RIMS1: variants seen among roughly 807,000 people sequenced by gnomAD.
RIMS1 encodes the protein regulating synaptic membrane exocytosis protein 1.
In RIMS1, 83 loss-of-function variants were observed where a neutral mutation model predicts 214.1. The observed-to-expected ratio is 0.39, with a 90% CI of 0.32 to 0.47. The LOEUF (loss-of-function observed/expected upper bound fraction) is 0.47. Among genes scored for constraint, RIMS1 ranks in the 20% least tolerant of loss-of-function variants. The pLI is 0.99. For missense variants in RIMS1, 2,050 were observed against 2,161.8 expected (o/e 0.95, Z 1.03); for synonymous variants, 793 against 786.8 (o/e 1.01, Z -0.13).
Position 72,109,456 on chromosome 6 carries a change from G to T in RIMS1, c.471+9470G>T, listed in dbSNP as rs549172655. Among the ~76,000 whole-genome samples the T allele has an allele frequency of 3.3e-3, 503 of 152,172 alleles. 2 individuals are homozygous for T. Among genetic ancestry groups the T allele is most frequent in the Non-Finnish European group, 2.0e-3 (138 of 68,016 alleles). Reference sequence around the variant, plus strand: ...TTGCATTTCTCTGATGGCCAGTGATGGTGGGCATTTTTTCATGTGTTTTTT... The same window carrying T: ...TTGCATTTCTCTGATGGCCAGTGATTGTGGGCATTTTTTCATGTGTTTTTT... On this transcript the variant is annotated intron_variant, in intron 4 of 33. Coordinates refer to ENST00000521978, the MANE Select transcript of RIMS1 (RefSeq NM_014989.7).
rs117799620 is a variant in RIMS1, at chr6:72,144,083, G to A, written c.472-35492G>A. Among the ~76,000 whole-genome samples, 685 of 152,196 alleles carry A rather than the reference G, an allele frequency of 4.5e-3. 5 individuals carry two copies. The highest frequency in any genetic ancestry group is 0.02 in the Middle Eastern group (6 of 294). On this transcript the variant is annotated intron_variant, in intron 4 of 33. Transcript: ENST00000521978. Reference sequence around the variant, plus strand: ...CCACTATAGCAGCGAACGCAGGCCCGTATTACTAAAGCAGCATATCATTAT... The same window carrying A: ...CCACTATAGCAGCGAACGCAGGCCCATATTACTAAAGCAGCATATCATTAT...
At chr6:71,976,380 T>G (rs1336789993) in intron 2 of RIMS1, among the ~76,000 whole-genome samples, 1 of 152,166 alleles carries the variant, frequency 6.6e-6, no homozygotes, top group African/African-American at 2.4e-5. Flanking sequence ...TCAAAATATT[T>G]TCTTCCGTTT....
rs1028182246 is a variant in RIMS1 at position 72,008,842 on chromosome 6, C to A, written c.245+39779C>A. 3.5e-3 allele frequency among the ~76,000 whole-genome samples: 540 copies of A among 152,256 alleles called. 2 individuals carry two copies. Among genetic ancestry groups the A allele is most frequent in the Non-Finnish European group, 5.6e-3 (381 of 68,014 alleles). On this transcript the variant is annotated intron_variant, in intron 2 of 33. Transcript: ENST00000521978. Reference sequence around the variant, plus strand: ...CATAAAGCAAGTCCTTAGAGACCTACAAAGAGACTTAGACTCCCACACAAT... The same window carrying A: ...CATAAAGCAAGTCCTTAGAGACCTAAAAAGAGACTTAGACTCCCACACAAT...
intron 6 of RIMS1, among the ~76,000 whole-genome samples, chr6:72,211,556 AC>A (rs1275362905): frequency 6.6e-6 from 1 of 152,182 alleles, no homozygotes; most frequent in Non-Finnish European, 1.5e-5. Flanking sequence ...AATAATATAT[AC>A]ATTTTTCATA....
intron 4 of RIMS1, among the ~76,000 whole-genome samples, chr6:72,178,895 C>T (rs1040159468): frequency 6.6e-5 from 10 of 152,152 alleles, no homozygotes; most frequent in African/African-American, 2.4e-4. Context: ...CCTTGGGGAA[C>T]ATTACATTGG....
At chr6:72,224,884 A>G (rs2059712167) in intron 6 of RIMS1, among the ~76,000 whole-genome samples, 2 of 152,194 alleles carry the variant, frequency 1.3e-5, no homozygotes, top group African/African-American at 4.8e-5. Context: ...AATGTTTTGC[A>G]ACCTGATTTC....
intron 29 of RIMS1, among the ~76,000 whole-genome samples, chr6:72,338,292 G>T (rs574284974): frequency 0.012 from 1,860 of 151,570 alleles, 28 homozygotes; most frequent in African/African-American, 0.042. Context: ...TTTAACTGGT[G>T]TAAGATGGTA....
In RIMS1 at chr6:72,333,613, A is replaced by G; in HGVS notation, c.4144A>G (p.Lys1382Glu). The change falls in exon 29 of 34, where the codon AAA becomes GAA. Residue 1382 changes from lysine to glutamate, a missense_variant. By Grantham distance (56) the Lys-to-Glu change is moderately conservative (BLOSUM62 1). This residue lies in a region of RIMS1 where 889 missense variants were observed against 885.5 expected (regional missense o/e 1.00). Coordinates refer to ENST00000521978, the MANE Select transcript of RIMS1 (RefSeq NM_014989.7). ...TTGTAAATATAGTTCATTTACCCCC[A>G]AAATGCAAGGCAGACGGATGGGGAC... Reference protein sequence around the residue: ...PRGRISSFTPKMQGRRMGTSG... With the variant: ...PRGRISSFTPEMQGRRMGTSG... 6.3e-7 allele frequency: 1 copy of G among 1,588,674 alleles called. No individual in the cohort carries two copies. The highest frequency in any genetic ancestry group is 8.6e-7 in the Non-Finnish European group (1 of 1,166,906).
At chr6:72,152,292 T>C (rs142456019) in intron 4 of RIMS1, among the ~76,000 whole-genome samples, 5 of 152,318 alleles carry the variant, frequency 3.3e-5, no homozygotes, top group Non-Finnish European at 5.9e-5. Context: ...ATTTAACTCT[T>C]ACAACATACC....
chr6:71,906,926 A>G (rs1055878483), intron 1 of RIMS1, among the ~76,000 whole-genome samples: 1 of 152,156 alleles, frequency 6.6e-6, no homozygotes, highest in Non-Finnish European at 1.5e-5. Flanking sequence ...CTCAGTATTC[A>G]CATCTCTTTG....
intron 4 of RIMS1, among the ~76,000 whole-genome samples, chr6:72,141,249 G>A (rs891140872): frequency 6.6e-6 from 1 of 151,846 alleles, no homozygotes; most frequent in Non-Finnish European, 1.5e-5. Context: ...TATATGGGAG[G>A]GATAATAAAA....
chr6:72,155,711 T>C (rs1055950281), intron 4 of RIMS1, among the ~76,000 whole-genome samples: 1 of 140,340 alleles, frequency 7.1e-6, no homozygotes, highest in Admixed American at 7.4e-5. Context: ...GTGAGACTCA[T>C]TCACTATCAC....
At chr6:71,973,084 A>G (rs556519359) in intron 2 of RIMS1, among the ~76,000 whole-genome samples, 130 of 152,108 alleles carry the variant, frequency 8.5e-4, no homozygotes, top group Middle Eastern at 3.4e-3. Flanking sequence ...TACTTTTTGT[A>G]TTTTTAGTAG....
chr6:72,240,371 G>A (rs77849471), intron 9 of RIMS1, among the ~76,000 whole-genome samples: 13,729 of 151,870 alleles, frequency 0.09, 848 homozygotes, highest in Non-Finnish European at 0.12. Context: ...CAATTTAATC[G>A]TTTGCATCTA....
intron 11 of RIMS1, among the ~76,000 whole-genome samples, chr6:72,247,506 G>T (rs1361344902): frequency 7.4e-6 from 1 of 134,974 alleles, no homozygotes; most frequent in Admixed American, 8.3e-5. Flanking sequence ...TTGCACTCCA[G>T]CCTGGGCAAC....
chr6:72,223,792 A>C (rs1366712339), intron 6 of RIMS1, among the ~76,000 whole-genome samples: 1 of 151,688 alleles, frequency 6.6e-6, no homozygotes, highest in East Asian at 1.9e-4. Context: ...CTAAAAATAC[A>C]AAAAAATTAG....
chr6:72,023,317 A>C (rs1207052918), intron 2 of RIMS1, among the ~76,000 whole-genome samples: 2 of 152,168 alleles, frequency 1.3e-5, no homozygotes, highest in Non-Finnish European at 2.9e-5. Context: ...TTGTAAATAA[A>C]TAGCACAGTA....
rs765092918 is a variant in RIMS1 at position 72,183,173 on chromosome 6, C to T, written c.1678+24C>T. The T allele has an allele frequency of 2.9e-5, 46 of 1,580,176 alleles. No homozygotes were observed. The South Asian group carries it at 4.6e-4, about 16-fold the overall frequency. ...AGGTAAGGGGGCGGCGCCGGCCGTG[C>T]GGGGACTTCAGCCAAGTGAAGAGGC... On this transcript the variant is annotated intron_variant, in intron 6 of 33. Transcript: ENST00000521978.
chr6:72,263,017 C>T (rs147340151), intron 19 of RIMS1: 31 of 754,936 alleles, frequency 4.1e-5, no homozygotes, highest in Middle Eastern at 6.6e-4. Flanking sequence ...GTTTATTTTA[C>T]GACTAATAGA....
Sources: gnomAD v4.1 joint callset for allele counts (sites outside exome capture counted in the v4.1 genomes callset) on GRCh38, gnomAD v4.1.1 for gene constraint, gnomAD v4.1.1 regional missense constraint, MANE v1.5 for transcripts, NCBI Gene and HGNC (gene_info 2026-07-23, HGNC 2026-07-21) for gene names.